SLC1A7: variants seen among roughly 807,000 people sequenced by gnomAD.
SLC1A7 encodes excitatory amino acid transporter 5.
Under a neutral mutation model 47.7 loss-of-function variants are expected in SLC1A7, and 40 were observed. The ratio of observed to expected loss-of-function variants is 0.84; its 90% CI spans 0.65 to 1.09. SLC1A7 has a LOEUF of 1.09. SLC1A7 is among the 50% of genes least tolerant of loss of function. SLC1A7 has a pLI of 0.00. For synonymous variants in SLC1A7, 323 were observed against 325.6 expected, an observed-to-expected ratio of 0.99 and a Z score of 0.09; for missense variants, 746 against 769.5, an observed-to-expected ratio of 0.97 and a Z score of 0.36.
At chr1:53,137,927 C>T (rs1645017721) in intron 1 of SLC1A7, among the ~76,000 whole-genome samples, 1 of 152,110 alleles carries the variant, frequency 6.6e-6, no homozygotes, top group Non-Finnish European at 1.5e-5. Context: ...TTTCTGGGAT[C>T]CTTTGTCCTC....
intron 3 of SLC1A7, chr1:53,108,471 G>T: frequency 1.5e-6 from 1 of 674,416 alleles, no homozygotes; most frequent in Non-Finnish European, 2.7e-6. Context: ...ATTATGTTGT[G>T]GGGACCAAAT....
chr1:53,136,634 TATAAA>T (rs1645001080), intron 1 of SLC1A7, among the ~76,000 whole-genome samples: 1 of 134,200 alleles, frequency 7.5e-6, no homozygotes, highest in African/African-American at 2.8e-5. Flanking sequence ...ATATATAATA[TATAAA>T]AACATATATA....
chr1:53,136,564 TA>T (rs1557693294), intron 1 of SLC1A7, among the ~76,000 whole-genome samples: 142 of 142,946 alleles, frequency 9.9e-4, no homozygotes, highest in Non-Finnish European at 1.5e-3. Context: ...TAAACATATA[TA>T]TAAACATATA....
intron 5 of SLC1A7, among the ~76,000 whole-genome samples, chr1:53,098,450 CCTTGGTA>C (rs1217899599): frequency 6.6e-6 from 1 of 151,854 alleles, no homozygotes; most frequent in Non-Finnish European, 1.5e-5. Flanking sequence ...ACACACCCTG[CCTTGGTA>C]CACTCACCCT....
intron 2 of SLC1A7, among the ~76,000 whole-genome samples, chr1:53,121,283 T>C (rs1644822899): frequency 6.6e-6 from 1 of 152,168 alleles, no homozygotes; most frequent in Admixed American, 6.5e-5. Context: ...ACGACTTGTG[T>C]GCCCAGGTGA....
At chr1:53,132,034 T>C (rs1309447503) in intron 2 of SLC1A7, among the ~76,000 whole-genome samples, 1 of 152,122 alleles carries the variant, frequency 6.6e-6, no homozygotes, top group Non-Finnish European at 1.5e-5. Flanking sequence ...ACAGCACGTG[T>C]GGAGGCCCTG....
intron 3 of SLC1A7, among the ~76,000 whole-genome samples, chr1:53,110,052 A>C (rs571918389): frequency 6.6e-6 from 1 of 152,018 alleles, no homozygotes; most frequent in Non-Finnish European, 1.5e-5. Flanking sequence ...CAGCCCCTCA[A>C]CCTGGGCCTC....
rs545791062 is a variant in SLC1A7 at position 53,129,819 on chromosome 1, C to T, written c.215+4531G>A. Among the ~76,000 whole-genome samples, 12 of 124,386 alleles carry T rather than the reference C, an allele frequency of 9.6e-5. 2 individuals carry two copies. Among genetic ancestry groups the T allele is most frequent in the South Asian group, 4.8e-4 (2 of 4,142 alleles). 81.6% of individuals were successfully genotyped at this position (124,386 alleles called of 152,430 possible). ...CTCCAACTTCTGAACGAATCTGTCA[C>T]GCTGAGTACCAGGCAGAGGTCAGTG... On this transcript the variant is annotated intron_variant, in intron 2 of 10. Coordinates refer to ENST00000371494, the MANE Select transcript of SLC1A7 (RefSeq NM_006671.6).
chr1:53,124,254 ACACACACACACACACACAC>A (rs1379602331), intron 2 of SLC1A7, among the ~76,000 whole-genome samples: 6 of 150,538 alleles, frequency 4.0e-5, no homozygotes, highest in African/African-American at 9.8e-5. Flanking sequence ...TACACAACAC[ACACACACACACACACACAC>A]ACACACACAC....
At chr1:53,135,965 T>A (rs1409880994) in intron 1 of SLC1A7, among the ~76,000 whole-genome samples, 1 of 151,832 alleles carries the variant, frequency 6.6e-6, no homozygotes, top group East Asian at 1.9e-4. Context: ...GTTGGTGCTA[T>A]GAGGGGACTC....
chr1:53,119,031 T>TTTAAA (rs1315472654), intron 2 of SLC1A7, among the ~76,000 whole-genome samples: 1 of 150,840 alleles, frequency 6.6e-6, no homozygotes, highest in Non-Finnish European at 1.5e-5. Context: ...GGTTTTAAAT[T>TTTAAA]TTAAATTAAA....
Position 53,142,503 on chromosome 1 carries a change from C to T in SLC1A7, c.-54G>A, listed in dbSNP as rs745679786. 2.0e-4 allele frequency: 315 copies of T among 1,585,912 alleles called. No homozygotes were observed. Among genetic ancestry groups the T allele is most frequent in the Non-Finnish European group, 2.5e-4 (296 of 1,166,868 alleles). On this transcript the variant is annotated 5_prime_UTR_variant, in exon 1 of 11. Transcript: ENST00000371494. ...CAGCACCATTCCACGCATGAGAGCCCGGCCGGGGGCACAGGGTCTGGGCTG... is the reference window on the plus strand; with the variant it reads ...CAGCACCATTCCACGCATGAGAGCCTGGCCGGGGGCACAGGGTCTGGGCTG...
At chr1:53,132,358 G>A (rs1644950128) in intron 2 of SLC1A7, among the ~76,000 whole-genome samples, 1 of 152,168 alleles carries the variant, frequency 6.6e-6, no homozygotes, top group Non-Finnish European at 1.5e-5. Context: ...TGTAGGGTTG[G>A]GAGGAAGCTC....
At chr1:53,115,903 C>G (rs534478146) in intron 2 of SLC1A7, 2 of 151,904 alleles carry the variant, frequency 1.3e-5, no homozygotes, top group African/African-American at 4.8e-5. Context: ...CCTAGAGCAA[C>G]GCTTCTTGCA....
chr1:53,139,045 C>T (rs58722687), intron 1 of SLC1A7, among the ~76,000 whole-genome samples: 12,233 of 152,220 alleles, frequency 0.08, 602 homozygotes, highest in African/African-American at 0.14. Context: ...CCCCTTTTCT[C>T]TTCGTTTACT....
chr1:53,134,886 G>C (rs938896693), intron 1 of SLC1A7, among the ~76,000 whole-genome samples: 17 of 152,030 alleles, frequency 1.1e-4, no homozygotes, highest in Non-Finnish European at 1.9e-4. Flanking sequence ...TAATCAAATG[G>C]AGCGATTAGA....
In SLC1A7 at chr1:53,087,961, C is replaced by T. The variant is rs762313404; in HGVS notation, c.*48G>A. 1.6e-6 allele frequency: 2 copies of T among 1,240,178 alleles called. No individual in the cohort carries two copies. Among genetic ancestry groups the T allele is most frequent in the Non-Finnish European group, 2.2e-6 (2 of 911,158 alleles). 76.8% of individuals were successfully genotyped at this position (1,240,178 alleles called of 1,614,324 possible). A position where few individuals can be genotyped will look rare whatever the true frequency, so the allele number is the denominator to read the frequency against. Reference sequence around the variant, plus strand: ...GGGTTGGAGAGTCGAGTTCCTGCCTCAGGACCCTGCCCCTGGAGGCCTCGC... The same window carrying T: ...GGGTTGGAGAGTCGAGTTCCTGCCTTAGGACCCTGCCCCTGGAGGCCTCGC... On this transcript the variant is annotated 3_prime_UTR_variant, in exon 11 of 11. Transcript: ENST00000371494.
intron 2 of SLC1A7, among the ~76,000 whole-genome samples, chr1:53,123,795 G>T (rs918456234): frequency 6.6e-6 from 1 of 152,206 alleles, no homozygotes; most frequent in Non-Finnish European, 1.5e-5. Context: ...GCAGCCCACA[G>T]CGGGCCACGT....
chr1:53,090,918 C>T, intron 7 of SLC1A7, 112 bp from the exon 8 acceptor site: 5 of 1,544,074 alleles, frequency 3.2e-6, no homozygotes, highest in Non-Finnish European at 2.6e-6. Context: ...GTGTTTGTGC[C>T]TCTGCAGCGC....
Sources: gnomAD v4.1 joint callset for allele counts (sites outside exome capture counted in the v4.1 genomes callset) on GRCh38, gnomAD v4.1.1 for gene constraint, MANE v1.5 for transcripts, NCBI Gene and HGNC (gene_info 2026-07-23, HGNC 2026-07-21) for gene names.